Variants in MILR1 observed in about 807,000 individuals in gnomAD.
The protein encoded by MILR1 is allergin-1.
In MILR1, 31 loss-of-function variants were observed where a neutral mutation model predicts 18.5. The observed-to-expected ratio is 1.68, with a 90% CI of 1.26 to 2.26. MILR1 has a LOEUF of 2.26. MILR1 is among the 30% of genes most tolerant of loss of function. MILR1 has a pLI of 0.00. For synonymous variants in MILR1, 85 were observed against 56.2 expected (o/e 1.51, Z -2.30); for missense variants, 257 against 157.4 (o/e 1.63, Z -3.38).
the MILR1 span, among the ~76,000 whole-genome samples, chr17:64,489,622 T>C: frequency 3.3e-5 from 5 of 152,054 alleles, no homozygotes; most frequent in African/African-American, 9.7e-5. Flanking sequence ...CAGTCGGGCA[T>C]GGTGATACAT....
At chr17:64,484,554 G>A in the MILR1 span, among the ~76,000 whole-genome samples, 73 of 152,320 alleles carry the variant, frequency 4.8e-4, no homozygotes, top group African/African-American at 1.7e-3. Context: ...CACTCTATCA[G>A]GGGAGGAGGA....
At chr17:64,492,030 G>A in the MILR1 span, among the ~76,000 whole-genome samples, 10 of 151,984 alleles carry the variant, frequency 6.6e-5, no homozygotes, top group Non-Finnish European at 1.3e-4. Flanking sequence ...TTTTTAGTAG[G>A]AAAGAACTAC....
intron 5 of MILR1, among the ~76,000 whole-genome samples, chr17:64,462,274 C>G (rs2037448912): frequency 6.6e-6 from 1 of 152,104 alleles, no homozygotes; most frequent in East Asian, 1.9e-4. Context: ...AAACAATCCT[C>G]CCACCTCGGC....
the MILR1 span, among the ~76,000 whole-genome samples, chr17:64,497,292 TGA>T: frequency 6.6e-6 from 1 of 152,274 alleles, no homozygotes; most frequent in African/African-American, 2.4e-5. Flanking sequence ...TGTAGCCACT[TGA>T]GTCACTTCCT....
At chr17:64,482,096 CTTTTTTTTTT>C in the MILR1 span, among the ~76,000 whole-genome samples, 1 of 116,042 alleles carries the variant, frequency 8.6e-6, no homozygotes, top group Non-Finnish European at 1.8e-5. Flanking sequence ...TTAATTAAAG[CTTTTTTTTTT>C]TTTTTTTTTT....
the MILR1 span, chr17:64,490,694 G>GA: frequency 8.3e-6 from 7 of 843,160 alleles, no homozygotes; most frequent in South Asian, 8.3e-5. Flanking sequence ...AATACACAAT[G>GA]AAGTGTTAAG....
the MILR1 span, among the ~76,000 whole-genome samples, chr17:64,477,055 A>G: frequency 2.6e-5 from 4 of 152,186 alleles, no homozygotes; most frequent in Non-Finnish European, 5.9e-5. Context: ...CATCTAACAT[A>G]TATTTTAGTT....
At chr17:64,453,574 C>G (rs1421295205) in intron 3 of MILR1, among the ~76,000 whole-genome samples, 1 of 147,094 alleles carries the variant, frequency 6.8e-6, no homozygotes, top group African/African-American at 2.6e-5. Context: ...CCTTGGGCCC[C>G]TTGGAGAGGG....
chr17:64,457,365 G>C (rs962801102), intron 3 of MILR1, 35 bp from the exon 4 acceptor site: 19 of 469,884 alleles, frequency 4.0e-5, no homozygotes, highest in African/African-American at 3.2e-4. Flanking sequence ...CACCCAGTCT[G>C]TTTATCCTTT....
At chr17:64,496,791 G>T in the MILR1 span, 2 of 1,613,870 alleles carry the variant, frequency 1.2e-6, no homozygotes, top group African/African-American at 1.3e-5. Flanking sequence ...CCAGACCCGG[G>T]GGCTTCTGGG....
the MILR1 span, chr17:64,491,573 A>C: frequency 4.5e-6 from 7 of 1,552,620 alleles, no homozygotes; most frequent in Non-Finnish European, 6.2e-6. Flanking sequence ...AGGTCAAACT[A>C]GGGGAGCTGC....
chr17:64,483,115 TATA>T, the MILR1 span: 1 of 598,166 alleles, frequency 1.7e-6, no homozygotes, highest in Non-Finnish European at 3.0e-6. Flanking sequence ...TCTTAACAGT[TATA>T]ATTTTCTGTG....
intron 5 of MILR1, among the ~76,000 whole-genome samples, chr17:64,461,286 T>C (rs1435683743): frequency 6.6e-5 from 10 of 152,072 alleles, no homozygotes; most frequent in African/African-American, 2.4e-4. Context: ...TTGCTCTTGT[T>C]CCCCAGGCTG....
the MILR1 span, among the ~76,000 whole-genome samples, chr17:64,492,361 G>T: frequency 6.6e-6 from 1 of 152,252 alleles, no homozygotes; most frequent in South Asian, 2.1e-4. Context: ...GGTAGCAAAA[G>T]CTGAAGCTGT....
intron 2 of MILR1, among the ~76,000 whole-genome samples, chr17:64,450,277 G>A (rs1340779065): frequency 6.6e-6 from 1 of 152,064 alleles, no homozygotes; most frequent in South Asian, 2.1e-4. Context: ...CTACCTGGTA[G>A]GCTAGTGTGC....
chr17:64,481,215 G>A, the MILR1 span: 1 of 913,422 alleles, frequency 1.1e-6, no homozygotes, highest in Non-Finnish European at 1.3e-6. Context: ...GAGCTTCCTA[G>A]CTTATAAGGG....
the MILR1 span, among the ~76,000 whole-genome samples, chr17:64,490,175 G>A: frequency 6.6e-6 from 1 of 152,018 alleles, no homozygotes; most frequent in Non-Finnish European, 1.5e-5. Context: ...CTCCCACTTC[G>A]GCCTCACAAA....
chr17:64,485,785 A>G, the MILR1 span: 1 of 1,612,988 alleles, frequency 6.2e-7, no homozygotes, highest in Non-Finnish European at 8.5e-7. Context: ...GGAAAGAATC[A>G]TAGAGGTAGG....
At chr17:64,476,156 A>T in the MILR1 span, among the ~76,000 whole-genome samples, 1 of 152,194 alleles carries the variant, frequency 6.6e-6, no homozygotes, top group Non-Finnish European at 1.5e-5. Context: ...TGTTTTAAAC[A>T]GGAGAATTAT....
Sources: allele counts gnomAD v4.1 joint callset (sites outside exome capture counted in the v4.1 genomes callset), GRCh38; gene constraint gnomAD v4.1.1; transcripts MANE v1.5; gene names NCBI Gene and HGNC (gene_info 2026-07-23, HGNC 2026-07-21).